The following PHACTR1 variants were observed in gnomAD, a reference collection of about 807,000 sequenced individuals.
PHACTR1 encodes the protein phosphatase and actin regulator 1.
PHACTR1 carries 16 observed loss-of-function variants against 69.2 expected under a neutral mutation model. The ratio of observed to expected loss-of-function variants is 0.23; its 90% CI spans 0.16 to 0.35. The LOEUF is 0.35. Among genes scored for constraint, PHACTR1 ranks in the 10% least tolerant of loss-of-function variants. The probability of loss-of-function intolerance (pLI) is 1.00; values close to 1 mark genes in which losing one functional copy is unlikely to be tolerated. For synonymous variants in PHACTR1, 312 were observed against 284.5 expected, an observed-to-expected ratio of 1.10 and a Z score of -0.97; for missense variants, 510 against 734.7, an observed-to-expected ratio of 0.69 and a Z score of 3.54.
chr6:13,263,708 T>C (rs902309810), intron 10 of PHACTR1, among the ~76,000 whole-genome samples: 30 of 152,240 alleles, frequency 2.0e-4, no homozygotes, highest in Non-Finnish European at 4.0e-4. Context: ...GAATTTTGTT[T>C]AATTTAATGT....
chr6:12,799,250 C>T (rs367886032), intron 4 of PHACTR1, among the ~76,000 whole-genome samples: 6 of 151,998 alleles, frequency 3.9e-5, no homozygotes, highest in South Asian at 2.1e-4. Flanking sequence ...TCATGATCTA[C>T]GGATAGGATG....
At chr6:12,732,892 G>A (rs541209585) in intron 3 of PHACTR1, among the ~76,000 whole-genome samples, 12 of 152,288 alleles carry the variant, frequency 7.9e-5, no homozygotes, top group Non-Finnish European at 1.6e-4. Flanking sequence ...GACTTTGCCA[G>A]CTGGGTTGAT....
At position 13,017,475 on chromosome 6, in the gene PHACTR1, T is replaced by C. The variant is rs185564891; in HGVS notation, c.251-35890T>C. 8.8e-3 allele frequency among the ~76,000 whole-genome samples: 1,338 copies of C among 152,222 alleles called. 22 individuals are homozygous for C. Among genetic ancestry groups the C allele is most frequent in the African/African-American group, 0.03 (1,261 of 41,524 alleles). On this transcript the variant is annotated intron_variant, in intron 4 of 14. Coordinates refer to ENST00000332995, the MANE Select transcript of PHACTR1 (RefSeq NM_030948.6). The stretch of plus-strand genomic sequence containing the variant: ...ACCTACTTGATAGAGAGGCTGACTT[T>C]AGTGGGGATAGAGGGAGAGTAATTT...
At chr6:13,158,477 C>T (rs182123656) in intron 5 of PHACTR1, among the ~76,000 whole-genome samples, 7 of 152,310 alleles carry the variant, frequency 4.6e-5, no homozygotes, top group East Asian at 1.9e-4. Context: ...GTCAGCTCTA[C>T]GTGAGTGCAT....
At chr6:12,793,461 A>G (rs1772586870) in intron 4 of PHACTR1, among the ~76,000 whole-genome samples, 1 of 152,260 alleles carries the variant, frequency 6.6e-6, no homozygotes, top group South Asian at 2.1e-4. Context: ...AGTGAACAAA[A>G]GGAAAATTTA....
At chr6:13,085,994 A>G (rs774178256) in intron 5 of PHACTR1, among the ~76,000 whole-genome samples, 4 of 151,338 alleles carry the variant, frequency 2.6e-5, no homozygotes, top group Non-Finnish European at 5.9e-5. Flanking sequence ...AGATCCATAA[A>G]GCCTAAAAAC....
At chr6:13,141,361 G>A (rs1228639385) in intron 5 of PHACTR1, among the ~76,000 whole-genome samples, 1 of 152,122 alleles carries the variant, frequency 6.6e-6, no homozygotes, top group Non-Finnish European at 1.5e-5. Flanking sequence ...CATTCATGAT[G>A]TCCTAAAGAA....
chr6:12,769,659 A>C, intron 4 of PHACTR1, among the ~76,000 whole-genome samples: 1 of 152,210 alleles, frequency 6.6e-6, no homozygotes, highest in East Asian at 1.9e-4. Context: ...GCACTGAGGA[A>C]ATGTTCACTG....
intron 4 of PHACTR1, among the ~76,000 whole-genome samples, chr6:12,986,243 C>T (rs1224521184): frequency 6.6e-6 from 1 of 152,164 alleles, no homozygotes; most frequent in African/African-American, 2.4e-5. Flanking sequence ...GCTTCAGTGA[C>T]GCTGGCAAAG....
At chr6:12,737,547 C>A (rs1764444397) in intron 3 of PHACTR1, among the ~76,000 whole-genome samples, 1 of 150,630 alleles carries the variant, frequency 6.6e-6, no homozygotes, top group Non-Finnish European at 1.5e-5. Flanking sequence ...TTTTCTGAAC[C>A]ATCAAAATCC....
At chr6:12,904,432 CCT>C (rs962352520) in intron 4 of PHACTR1, among the ~76,000 whole-genome samples, 1 of 151,380 alleles carries the variant, frequency 6.6e-6, no homozygotes, top group Non-Finnish European at 1.5e-5. Flanking sequence ...TACTTGGGAG[CCT>C]GAGGCAGGAG....
At chr6:12,964,017 G>A (rs183785556) in intron 4 of PHACTR1, among the ~76,000 whole-genome samples, 7 of 152,180 alleles carry the variant, frequency 4.6e-5, no homozygotes, top group East Asian at 1.9e-4. Flanking sequence ...TATAAATTAC[G>A]AACTCTCTTT....
intron 4 of PHACTR1, among the ~76,000 whole-genome samples, chr6:12,803,296 G>A (rs1773921723): frequency 6.6e-6 from 1 of 152,190 alleles, no homozygotes. Context: ...GCAGGACTGA[G>A]ATTGGTGGTC....
At chr6:13,196,306 A>G (rs930167746) in intron 7 of PHACTR1, among the ~76,000 whole-genome samples, 5 of 150,004 alleles carry the variant, frequency 3.3e-5, no homozygotes, top group Non-Finnish European at 5.9e-5. Context: ...TTTTTATTCT[A>G]GGATCTTTAG....
chr6:12,800,898 A>AC (rs1773617914), intron 4 of PHACTR1, among the ~76,000 whole-genome samples: 2 of 127,426 alleles, frequency 1.6e-5, no homozygotes, highest in African/African-American at 6.6e-5. Context: ...CAAAAGAAAA[A>AC]GAAAAAAAAA....
At chr6:12,863,598 T>A (rs549366339) in intron 4 of PHACTR1, among the ~76,000 whole-genome samples, 3 of 152,330 alleles carry the variant, frequency 2.0e-5, no homozygotes, top group Non-Finnish European at 4.4e-5. Context: ...CTTTTCCCAT[T>A]CAAAGGCCAG....
intron 4 of PHACTR1, among the ~76,000 whole-genome samples, chr6:12,841,474 A>G (rs1339333610): frequency 6.6e-6 from 1 of 152,208 alleles, no homozygotes; most frequent in African/African-American, 2.4e-5. Context: ...TGTACTTCTA[A>G]TGCAGAGGAG....
chr6:13,286,069 T>G, intron 13 of PHACTR1, 77 bp from the exon 14 acceptor site: 1 of 1,213,750 alleles, frequency 8.2e-7, no homozygotes, highest in Non-Finnish European at 1.1e-6. Flanking sequence ...AAAAATATGT[T>G]GTTAGGAATG....
intron 10 of PHACTR1, among the ~76,000 whole-genome samples, chr6:13,270,666 T>TAA (rs980957725): frequency 3.3e-5 from 5 of 152,238 alleles, no homozygotes; most frequent in African/African-American, 1.2e-4. Flanking sequence ...CTTATACTCT[T>TAA]AAAAACACTT....
Sources: gnomAD v4.1 joint callset for allele counts (sites outside exome capture counted in the v4.1 genomes callset) on GRCh38, gnomAD v4.1.1 for gene constraint, MANE v1.5 for transcripts, NCBI Gene and HGNC (gene_info 2026-07-23, HGNC 2026-07-21) for gene names.